Variants in CCDC91 observed in about 807,000 individuals in gnomAD.
CCDC91 encodes the protein coiled-coil domain containing 91.
In CCDC91, 48 loss-of-function variants were observed where a neutral mutation model predicts 63.2. That is an observed-to-expected ratio of 0.76 (90% CI 0.60 to 0.97). CCDC91 has a LOEUF of 0.97. CCDC91 is among the 50% of genes least tolerant of loss of function. The pLI, the probability that CCDC91 is intolerant of heterozygous loss-of-function variation, is 0.00. For missense variants in CCDC91, 500 were observed against 494.6 expected, an observed-to-expected ratio of 1.01 and a Z score of -0.10; for synonymous variants, 167 against 165.8, an observed-to-expected ratio of 1.01 and a Z score of -0.06.
intron 3 of CCDC91, among the ~76,000 whole-genome samples, chr12:28,305,328 T>C (rs537907938): frequency 6.6e-6 from 1 of 152,136 alleles, no homozygotes; most frequent in East Asian, 1.9e-4. Flanking sequence ...ATAATATATA[T>C]ATATGAGTAT....
intron 3 of CCDC91, among the ~76,000 whole-genome samples, chr12:28,275,556 A>C (rs1004595816): frequency 6.6e-6 from 1 of 152,078 alleles, no homozygotes; most frequent in African/African-American, 2.4e-5. Context: ...GGAGGGGCTG[A>C]TACCATTCCT....
chr12:28,255,101 A>C (rs557177542), intron 1 of CCDC91, among the ~76,000 whole-genome samples: 1 of 152,150 alleles, frequency 6.6e-6, no homozygotes. Flanking sequence ...GGAAAACATC[A>C]GTGGTCACTA....
chr12:28,474,442 A>C (rs1950977433), intron 11 of CCDC91, among the ~76,000 whole-genome samples: 1 of 152,084 alleles, frequency 6.6e-6, no homozygotes, highest in African/African-American at 2.4e-5. Flanking sequence ...AATCTAGTGG[A>C]TTGTACCAAA....
intron 12 of CCDC91, among the ~76,000 whole-genome samples, chr12:28,522,409 G>A (rs758524629): frequency 9.9e-5 from 15 of 152,010 alleles, no homozygotes; most frequent in Admixed American, 2.0e-4. Flanking sequence ...CTGTGGGATC[G>A]GTGGTGATAA....
At chr12:28,292,492 A>G (rs2136821655) in intron 3 of CCDC91, among the ~76,000 whole-genome samples, 1 of 152,266 alleles carries the variant, frequency 6.6e-6, no homozygotes, top group South Asian at 2.1e-4. Context: ...AGAGGAGATA[A>G]TGACACCTAA....
intron 7 of CCDC91, among the ~76,000 whole-genome samples, chr12:28,385,755 A>T (rs1313531814): frequency 6.6e-6 from 1 of 152,180 alleles, no homozygotes; most frequent in Non-Finnish European, 1.5e-5. Context: ...TGAGGCTGGA[A>T]TCAGATCTGA....
chr12:28,530,890 C>G (rs1941677724), intron 12 of CCDC91, among the ~76,000 whole-genome samples: 1 of 152,046 alleles, frequency 6.6e-6, no homozygotes, highest in Non-Finnish European at 1.5e-5. Flanking sequence ...AACTTAATCC[C>G]CAGTGCAACA....
intron 8 of CCDC91, among the ~76,000 whole-genome samples, chr12:28,394,839 G>A (rs1946192470): frequency 6.6e-6 from 1 of 152,008 alleles, no homozygotes; most frequent in African/African-American, 2.4e-5. Context: ...GTCACTTAGG[G>A]CAAGTCTCTT....
chr12:28,386,506 T>C (rs532748521), intron 7 of CCDC91, among the ~76,000 whole-genome samples: 48 of 152,080 alleles, frequency 3.2e-4, no homozygotes, highest in Non-Finnish European at 5.3e-4. Flanking sequence ...GTAGCTGGGA[T>C]TACAGGTGCA....
At chr12:28,306,028 A>G (rs1242156630) in intron 4 of CCDC91, among the ~76,000 whole-genome samples, 2 of 152,082 alleles carry the variant, frequency 1.3e-5, no homozygotes, top group African/African-American at 4.8e-5. Flanking sequence ...TTAGTTACCA[A>G]AGTATGATTT....
At chr12:28,353,503 G>A (rs1360962015) in intron 6 of CCDC91, among the ~76,000 whole-genome samples, 5 of 152,126 alleles carry the variant, frequency 3.3e-5, no homozygotes, top group Non-Finnish European at 5.9e-5. Flanking sequence ...TTGATTTAAA[G>A]TGAGAGCCAT....
At chr12:28,349,458 G>A (rs1943037281) in intron 6 of CCDC91, among the ~76,000 whole-genome samples, 1 of 152,168 alleles carries the variant, frequency 6.6e-6, no homozygotes, top group South Asian at 2.1e-4. Flanking sequence ...CTAGTTTTAT[G>A]AGTGTACAAC....
At chr12:28,252,921 G>T (rs530004336) in intron 1 of CCDC91, among the ~76,000 whole-genome samples, 1 of 151,990 alleles carries the variant, frequency 6.6e-6, no homozygotes. Flanking sequence ...TTTAATCCTT[G>T]TACTGACTTT....
At chr12:28,382,391 C>G (rs1253855256) in intron 7 of CCDC91, among the ~76,000 whole-genome samples, 2 of 151,596 alleles carry the variant, frequency 1.3e-5, no homozygotes, top group African/African-American at 4.8e-5. Flanking sequence ...CATGAATTTC[C>G]TATGTCATAA....
chr12:28,299,999 T>C (rs1424061177), intron 3 of CCDC91, among the ~76,000 whole-genome samples: 1 of 151,500 alleles, frequency 6.6e-6, no homozygotes, highest in African/African-American at 2.4e-5. Flanking sequence ...ATGTTATACA[T>C]ATTAGTTTTT....
At chr12:28,493,891 C>G (rs1320126521) in intron 12 of CCDC91, among the ~76,000 whole-genome samples, 1 of 151,664 alleles carries the variant, frequency 6.6e-6, no homozygotes, top group East Asian at 1.9e-4. Flanking sequence ...TCACAATCAT[C>G]TTGAATCTCT....
intron 8 of CCDC91, among the ~76,000 whole-genome samples, chr12:28,397,587 C>A (rs974110684): frequency 6.6e-6 from 1 of 151,858 alleles, no homozygotes; most frequent in African/African-American, 2.4e-5. Flanking sequence ...TTTTGAGGGG[C>A]CTATGTGTGT....
intron 1 of CCDC91, among the ~76,000 whole-genome samples, chr12:28,229,619 G>A (rs1231133453): frequency 6.6e-6 from 1 of 152,146 alleles, no homozygotes; most frequent in Non-Finnish European, 1.5e-5. Context: ...GTAAGAGAAG[G>A]CAGTTGAGTT....
chr12:28,296,766 T>C (rs1360402967), intron 3 of CCDC91, among the ~76,000 whole-genome samples: 5 of 151,968 alleles, frequency 3.3e-5, no homozygotes, highest in Admixed American at 6.6e-5. Flanking sequence ...GTACACTTAG[T>C]TTCAAATTTT....
Sources: gnomAD v4.1 joint callset for allele counts (sites outside exome capture counted in the v4.1 genomes callset) on GRCh38, gnomAD v4.1.1 for gene constraint, MANE v1.5 for transcripts, NCBI Gene and HGNC (gene_info 2026-07-23, HGNC 2026-07-21) for gene names.